Variants in SERPINB7 observed in about 807,000 individuals in gnomAD.
SERPINB7 encodes serpin family B member 7.
A neutral mutation model predicts 37.4 loss-of-function variants in SERPINB7; 31 were observed. That is an observed-to-expected ratio of 0.83 (90% confidence interval 0.62 to 1.12). SERPINB7 has a LOEUF of 1.12. Among genes scored for constraint, SERPINB7 ranks in the 50% most tolerant of loss-of-function variants. The probability of loss-of-function intolerance (pLI) is 0.00; values close to 1 mark genes in which losing one functional copy is unlikely to be tolerated. For synonymous variants in SERPINB7, 163 were observed against 166.1 expected (o/e 0.98, Z 0.14); for missense variants, 521 against 455.3 (o/e 1.14, Z -1.31).
intron 2 of SERPINB7, among the ~76,000 whole-genome samples, chr18:63,787,081 G>C (rs1036001633): frequency 6.6e-6 from 1 of 152,066 alleles, no homozygotes; most frequent in African/African-American, 2.4e-5. Context: ...ATAGCATGAA[G>C]GTAATTTTAT....
In SERPINB7 at chr18:63,782,351, C is replaced by T. The variant is rs1021473073; in HGVS notation, c.-18-4C>T. 6.3e-7 allele frequency: 1 copy of T among 1,585,064 alleles called. No homozygotes were observed. Among genetic ancestry groups the T allele is most frequent in the Non-Finnish European group, 8.6e-7 (1 of 1,162,716 alleles). ...ACTAATTTCATTTTCTCATTGTCCT[C>T]TAGGCTGCACTCCATTTTGCAATGG... On this transcript the variant is annotated splice_polypyrimidine_tract_variant and splice_region_variant and intron_variant, in intron 1 of 7. Coordinates refer to ENST00000398019, the MANE Select transcript of SERPINB7 (RefSeq NM_003784.4).
intron 1 of SERPINB7, among the ~76,000 whole-genome samples, chr18:63,762,329 T>C (rs2049158797): frequency 6.6e-6 from 1 of 152,240 alleles, no homozygotes; most frequent in Non-Finnish European, 1.5e-5. Context: ...TGGTTTAATG[T>C]GCAGGCTGGT....
chr18:63,774,881 A>G (rs374050339), upstream of SERPINB7, among the ~76,000 whole-genome samples: 11 of 152,272 alleles, frequency 7.2e-5, no homozygotes, highest in Admixed American at 4.6e-4. Context: ...GATGGAAAGC[A>G]GTACAAAGAG....
chr18:63,791,995 G>A (rs1330780242), intron 2 of SERPINB7, among the ~76,000 whole-genome samples: 4 of 152,128 alleles, frequency 2.6e-5, no homozygotes, highest in East Asian at 3.9e-4. Context: ...GTAGAGTTCC[G>A]CTGCTGAAAT....
chr18:63,783,182 AAGAAAGAGAGAGAGAG>A (rs1332385557), intron 2 of SERPINB7, among the ~76,000 whole-genome samples: 28 of 91,114 alleles, frequency 3.1e-4, no homozygotes, highest in African/African-American at 1.4e-3. Flanking sequence ...TAAAGAAAGA[AAGAAAGAGAGAGAGAG>A]AGAGAGAGAG....
intron 6 of SERPINB7, among the ~76,000 whole-genome samples, chr18:63,799,746 T>C (rs2049527068): frequency 6.6e-6 from 1 of 152,188 alleles, no homozygotes; most frequent in African/African-American, 2.4e-5. Flanking sequence ...GTGTGTTCTT[T>C]CTGAGGATTG....
intron 2 of SERPINB7, among the ~76,000 whole-genome samples, chr18:63,783,032 G>T (rs371577801): frequency 8.6e-5 from 13 of 151,898 alleles, no homozygotes; most frequent in Admixed American, 4.6e-4. Flanking sequence ...CAGCTACTCG[G>T]GAGGCTGAGG....
intron 2 of SERPINB7, among the ~76,000 whole-genome samples, chr18:63,786,925 A>G (rs1701639): frequency 0.14 from 21,069 of 152,108 alleles, 2,525 homozygotes; most frequent in East Asian, 0.48. Flanking sequence ...CCTTATCTAA[A>G]ATGCCTGGGA....
rs541860315 is a variant in SERPINB7 at position 63,775,975 on chromosome 18, C to G, written c.-19+259C>G. 2.6e-5 allele frequency among the ~76,000 whole-genome samples: 4 copies of G among 152,168 alleles called. No individual in the cohort carries two copies. The South Asian group carries it at 8.3e-4, about 32-fold the overall frequency. On this transcript the variant is annotated intron_variant, in intron 1 of 7. Coordinates refer to ENST00000398019, the MANE Select transcript of SERPINB7 (RefSeq NM_003784.4). ...GAACACTGTGACCCGTGGTCTCTTC[C>G]TTGGGCCATGTCAGTCAGTCTTGGA...
upstream of SERPINB7, among the ~76,000 whole-genome samples, chr18:63,771,545 CA>C (rs1167813724): frequency 1.3e-5 from 2 of 152,018 alleles, no homozygotes; most frequent in African/African-American, 4.8e-5. Flanking sequence ...TTCACATACA[CA>C]GAACATATTG....
intron 1 of SERPINB7, among the ~76,000 whole-genome samples, chr18:63,760,236 G>A (rs1344657648): frequency 2.6e-5 from 4 of 152,198 alleles, no homozygotes; most frequent in South Asian, 4.1e-4. Context: ...CTCTTGTTAT[G>A]TTTTAGCAAA....
At chr18:63,783,700 G>A (rs1350092412) in intron 2 of SERPINB7, among the ~76,000 whole-genome samples, 1 of 152,164 alleles carries the variant, frequency 6.6e-6, no homozygotes, top group Non-Finnish European at 1.5e-5. Context: ...TCAACAGCAG[G>A]TGAGATGCCA....
At chr18:63,792,474 G>T in intron 3 of SERPINB7, 31 bp downstream of exon 3, 1 of 1,482,098 alleles carries the variant, frequency 6.7e-7, no homozygotes, top group Non-Finnish European at 9.4e-7. Flanking sequence ...TAGAAAAAGA[G>T]AAGGTGAGCC....
Position 63,800,957 on chromosome 18 carries a change from G to C in SERPINB7, c.689G>C (p.Arg230Thr). The change falls in exon 7 of 8, where the codon AGA becomes ACA. Residue 230 changes from arginine to threonine, a missense_variant. Transcript: ENST00000398019. ...CCATCAATGAAGATTCTTGAGCTCAGATACAATGGTGGCATAAACATGTAC... is the reference window on the plus strand; with the variant it reads ...CCATCAATGAAGATTCTTGAGCTCACATACAATGGTGGCATAAACATGTAC... Reference protein sequence around the residue: ...EDPSMKILELRYNGGINMYVL... With the variant: ...EDPSMKILELTYNGGINMYVL... The C allele has an allele frequency of 6.2e-7, 1 of 1,614,012 alleles. No individual in the cohort carries two copies. Among genetic ancestry groups the C allele is most frequent in the Admixed American group, 1.7e-5 (1 of 60,004 alleles).
At chr18:63,799,509 A>ATGTAGC (rs1401321027) in intron 6 of SERPINB7, among the ~76,000 whole-genome samples, 2 of 152,226 alleles carry the variant, frequency 1.3e-5, no homozygotes, top group Non-Finnish European at 2.9e-5. Flanking sequence ...ACCCTATGTA[A>ATGTAGC]TGTAGCTATA....
At chr18:63,798,112 T>C (rs1233986586) in intron 5 of SERPINB7, among the ~76,000 whole-genome samples, 3 of 152,214 alleles carry the variant, frequency 2.0e-5, no homozygotes, top group African/African-American at 2.4e-5. Context: ...GCTATGTCTT[T>C]CATATTTGTA....
chr18:63,776,617 A>C (rs185676265), intron 1 of SERPINB7, among the ~76,000 whole-genome samples: 3 of 149,802 alleles, frequency 2.0e-5, no homozygotes, highest in Non-Finnish European at 4.4e-5. Flanking sequence ...TCCTGGTATG[A>C]AGCATAGTTT....
chr18:63,755,267 T>G (rs966120844), intron 1 of SERPINB7, among the ~76,000 whole-genome samples: 2 of 152,170 alleles, frequency 1.3e-5, no homozygotes, highest in Non-Finnish European at 2.9e-5. Context: ...ACTTTCTTTT[T>G]CTTCTATTTC....
intron 2 of SERPINB7, among the ~76,000 whole-genome samples, chr18:63,783,188 G>GAAAGAA (rs1555694138): frequency 1.0e-4 from 6 of 59,828 alleles, no homozygotes; most frequent in Middle Eastern, 6.8e-3. Context: ...AAGAAAGAAA[G>GAAAGAA]AGAGAGAGAG....
Sources: allele counts gnomAD v4.1 joint callset (sites outside exome capture counted in the v4.1 genomes callset), GRCh38; gene constraint gnomAD v4.1.1; transcripts MANE v1.5; gene names NCBI Gene and HGNC (gene_info 2026-07-23, HGNC 2026-07-21).